The following DYSF variants were observed in gnomAD, a reference collection of about 807,000 sequenced individuals.
The protein encoded by DYSF is dysferlin.
In DYSF, 212 loss-of-function variants were observed where a neutral mutation model predicts 274.9. The ratio of observed to expected loss-of-function variants is 0.77; its 90% confidence interval spans 0.69 to 0.86. DYSF has a LOEUF of 0.86. DYSF is among the 40% of genes least tolerant of loss of function. The pLI is 0.00. For synonymous variants in DYSF, 1,091 were observed against 1,078.7 expected (o/e 1.01, Z -0.22); for missense variants, 2,666 against 2,783.2 (o/e 0.96, Z 0.95).
At chr2:71,514,393 A>C (rs2086439549) in intron 7 of DYSF, among the ~76,000 whole-genome samples, 1 of 152,076 alleles carries the variant, frequency 6.6e-6, no homozygotes, top group African/African-American at 2.4e-5. Context: ...AGCTCTGTCT[A>C]ACATCTTTTT....
At chr2:71,597,474 A>G (rs1388343599) in intron 32 of DYSF, among the ~76,000 whole-genome samples, 1 of 152,198 alleles carries the variant, frequency 6.6e-6, no homozygotes, top group Admixed American at 6.5e-5. Context: ...AGAAGGCAGC[A>G]TGAGCATCAC....
Position 71,581,824 on chromosome 2 carries a change from C to T in DYSF, c.3402+7453C>T, listed in dbSNP as rs551453615. 3.9e-5 allele frequency among the ~76,000 whole-genome samples: 6 copies of T among 152,274 alleles called. No individual in the cohort carries two copies. In the South Asian group the frequency reaches 1.2e-3, roughly 32 times the overall value. The stretch of plus-strand genomic sequence containing the variant: ...GGGTCAGCAAACTATGCCCCACAGG[C>T]CAAATCTGGCCCTCTGCCTGCTTTT... On this transcript the variant is annotated intron_variant, in intron 30 of 55. Transcript: ENST00000410020.
At chr2:71,516,159 C>G in intron 8 of DYSF, 21 bp from the exon 9 acceptor site, 1 of 1,613,998 alleles carries the variant, frequency 6.2e-7, no homozygotes, top group Non-Finnish European at 8.5e-7. Context: ...TGATATGTCT[C>G]TCTTTGCTCT....
At chr2:71,506,670 G>T (rs1374206985) in intron 4 of DYSF, among the ~76,000 whole-genome samples, 1 of 152,202 alleles carries the variant, frequency 6.6e-6, no homozygotes, top group African/African-American at 2.4e-5. Context: ...CAGGGGTTGA[G>T]CTGTGATGTC....
chr2:71,655,783 A>G (rs1250800705), intron 42 of DYSF, among the ~76,000 whole-genome samples: 2 of 152,218 alleles, frequency 1.3e-5, no homozygotes, highest in African/African-American at 4.8e-5. Context: ...TCTTTTAAAA[A>G]ATGTACTGCC....
intron 30 of DYSF, chr2:71,588,759 C>T (rs2093156682): frequency 6.5e-6 from 1 of 152,674 alleles, no homozygotes. Flanking sequence ...GAGAGAGGCA[C>T]ATGGAGAAAT....
intron 29 of DYSF, 138 bp from the exon 30 acceptor site, chr2:71,574,060 G>T (rs998350815): frequency 1.2e-4 from 136 of 1,108,720 alleles, no homozygotes; most frequent in Non-Finnish European, 1.7e-4. Context: ...GCCCTCCCAG[G>T]TTTTCCCACC....
intron 13 of DYSF, 70 bp downstream of exon 13, chr2:71,526,416 G>GGTT: frequency 1.9e-6 from 1 of 513,690 alleles, no homozygotes; most frequent in African/African-American, 2.0e-5. Context: ...GGGGGTGGGC[G>GGTT]ATGGCGGGCG....
intron 39 of DYSF, 48 bp downstream of exon 39, chr2:71,612,854 G>C (rs1558621163): frequency 6.3e-7 from 1 of 1,583,336 alleles, no homozygotes; most frequent in Non-Finnish European, 8.6e-7. Flanking sequence ...GGGAGCCTCA[G>C]GGCCAAGCTA....
At chr2:71,562,691 C>T (rs1275041516) in intron 23 of DYSF, among the ~76,000 whole-genome samples, 1 of 152,150 alleles carries the variant, frequency 6.6e-6, no homozygotes, top group African/African-American at 2.4e-5. Context: ...GTGAGAAGGG[C>T]AGGGCCAGGA....
In DYSF at chr2:71,644,027, C is replaced by G; in HGVS notation, c.4590C>G (p.Cys1530Trp). 6.2e-7 allele frequency: 1 copy of G among 1,612,016 alleles called. No homozygotes were observed. ...CCTCCATAGGGGAGAGGGAAAAGTG[C>G]GGCTCCTACCTGGAGAAGGATTTTG... ...FFASIGEREK[C>W]GSYLEKDFDT... The change falls in exon 42 of 56, where the codon TGC (cysteine) becomes TGG (tryptophan). Residue 1530 changes from cysteine (C) to tryptophan (W), a missense_variant. This residue lies in a region of DYSF where 1,460 missense variants were observed against 1,502.1 expected (regional missense o/e 0.97). Transcript: ENST00000410020.
intron 14 of DYSF, among the ~76,000 whole-genome samples, chr2:71,531,119 CA>C (rs2088655433): frequency 6.6e-6 from 1 of 151,178 alleles, no homozygotes; most frequent in African/African-American, 2.4e-5. Flanking sequence ...CCATTAATTG[CA>C]AAAAATTGAA....
At chr2:71,589,513 G>A in intron 30 of DYSF, 80 bp from the exon 31 acceptor site, 1 of 1,116,374 alleles carries the variant, frequency 9.0e-7, no homozygotes, top group South Asian at 1.2e-5. Flanking sequence ...TGGCCCTGGG[G>A]ATCTAACTCT....
chr2:71,661,190 C>CTT lies in DYSF; in HGVS notation c.5003+550_5003+551dup, dbSNP rs112275022. ...AGCTCAGAAGATGCATTTGCTAATT[C>CTT]TTTTTTTTTTTTAAGATAAACTTTT... On this transcript the variant is annotated intron_variant, in intron 45 of 55. Transcript: ENST00000410020. Among the ~76,000 whole-genome samples, 814 of 134,760 alleles carry CTT rather than the reference C, an allele frequency of 6.0e-3. 3 individuals are homozygous for CTT. The highest frequency in any genetic ancestry group is 1.0e-2 in the Admixed American group (134 of 13,438). 88.4% of individuals were successfully genotyped at this position (134,760 alleles called of 152,430 possible).
chr2:71,673,567 A>G (rs1395268203), intron 51 of DYSF, among the ~76,000 whole-genome samples: 4 of 151,988 alleles, frequency 2.6e-5, no homozygotes. Context: ...GTGCTGGGAG[A>G]TCCTTCTATG....
chr2:71,580,249 C>A (rs77183267), intron 30 of DYSF, among the ~76,000 whole-genome samples: 1 of 152,234 alleles, frequency 6.6e-6, no homozygotes, highest in African/African-American at 2.4e-5. Context: ...GCTGGCCCCC[C>A]GGCCCCAACC....
rs1267849392 is a variant in DYSF, at chr2:71,667,475, C to T, written c.5417C>T (p.Ser1806Leu). 1 of 1,614,130 alleles carries T rather than the reference C, an allele frequency of 6.2e-7. No individual in the cohort carries two copies. Among genetic ancestry groups the T allele is most frequent in the Non-Finnish European group, 8.5e-7 (1 of 1,180,018 alleles). Residue 1806 changes from serine (S) to leucine (L), a missense_variant, in exon 48 of 56, where the codon TCA (serine) becomes TTA (leucine). By Grantham distance (145) the Ser-to-Leu change is moderately radical (BLOSUM62 -2). Transcript: ENST00000410020. Reference sequence around the variant, plus strand: ...GGCCTGGTCCCGGAGCACGTGGAGTCACGGCCCCTCTACAGCCCCCTGCAG... The same window carrying T: ...GGCCTGGTCCCGGAGCACGTGGAGTTACGGCCCCTCTACAGCCCCCTGCAG... ...QQGLVPEHVE[S>L]RPLYSPLQPD...
chr2:71,597,913 GT>G (rs140852464), intron 32 of DYSF, among the ~76,000 whole-genome samples: 2,631 of 152,272 alleles, frequency 0.017, 75 homozygotes, highest in African/African-American at 0.058. Context: ...GCTCCCTCCA[GT>G]CTGTTCTCCA....
At chr2:71,563,574 G>A (rs540708512) in intron 23 of DYSF, among the ~76,000 whole-genome samples, 25 of 152,274 alleles carry the variant, frequency 1.6e-4, no homozygotes, top group African/African-American at 5.5e-4. Context: ...CTGCTGCTAC[G>A]GGAGGAGGGT....
Sources: gnomAD v4.1 joint callset for allele counts (sites outside exome capture counted in the v4.1 genomes callset) on GRCh38, gnomAD v4.1.1 for gene constraint, gnomAD v4.1.1 regional missense constraint, MANE v1.5 for transcripts, NCBI Gene and HGNC (gene_info 2026-07-23, HGNC 2026-07-21) for gene names.